Variants in RNASEH2B observed in about 807,000 individuals in gnomAD.
RNASEH2B encodes the protein ribonuclease H2 subunit B.
A neutral mutation model predicts 45.0 loss-of-function variants in RNASEH2B; 36 were observed. The observed-to-expected ratio is 0.80, with a 90% CI of 0.61 to 1.06. RNASEH2B has a LOEUF of 1.06. RNASEH2B is among the 50% of genes least tolerant of loss of function. The pLI is 0.00. For missense variants in RNASEH2B, 361 were observed against 360.3 expected, an observed-to-expected ratio of 1.00 and a Z score of -0.02; for synonymous variants, 119 against 125.7, an observed-to-expected ratio of 0.95 and a Z score of 0.35.
chr13:50,951,759 T>G (rs1951978083), intron 9 of RNASEH2B: 1 of 152,168 alleles, frequency 6.6e-6, no homozygotes, highest in Non-Finnish European at 1.5e-5. Context: ...TAGTAAATGC[T>G]TCAATCATCT....
intron 9 of RNASEH2B, among the ~76,000 whole-genome samples, chr13:50,964,260 A>G (rs1952142711): frequency 6.6e-6 from 1 of 152,188 alleles, no homozygotes; most frequent in Admixed American, 6.5e-5. Context: ...CACTTTTGAG[A>G]GTAGTAGCCA....
At chr13:50,967,129 G>A (rs1952172947) in intron 9 of RNASEH2B, among the ~76,000 whole-genome samples, 1 of 152,064 alleles carries the variant, frequency 6.6e-6, no homozygotes, top group East Asian at 1.9e-4. Context: ...CTGGTGCTTG[G>A]GGAGCCATGT....
Position 50,909,904 on chromosome 13 carries a change from G to C in RNASEH2B, c.-173G>C, listed in dbSNP as rs1452188029. On this transcript the variant is annotated 5_prime_UTR_variant, in exon 1 of 11. Transcript: ENST00000336617. ...ATTTAAAAACGTAACACGAGCAGCA[G>C]GCTGGTCTCGGAAACGAAACGAAAT... is the stretch of plus-strand genomic sequence containing the variant. 4.0e-6 allele frequency: 2 copies of C among 500,414 alleles called. No homozygotes were observed. Among genetic ancestry groups the C allele is most frequent in the Non-Finnish European group, 7.0e-6 (2 of 287,090 alleles). 31.0% of individuals were successfully genotyped at this position (500,414 alleles called of 1,614,324 possible).
chr13:50,967,415 C>G (rs1566095025), intron 9 of RNASEH2B, among the ~76,000 whole-genome samples: 1 of 152,186 alleles, frequency 6.6e-6, no homozygotes, highest in Non-Finnish European at 1.5e-5. Flanking sequence ...ATAACAAAGA[C>G]TGGCAAAGCG....
At chr13:50,925,249 C>T (rs1043470567) in intron 1 of RNASEH2B, among the ~76,000 whole-genome samples, 15 of 151,878 alleles carry the variant, frequency 9.9e-5, no homozygotes, top group African/African-American at 2.4e-4. Flanking sequence ...CTAATTAACT[C>T]GTCTATGAGG....
rs75325951 is a variant in RNASEH2B, at chr13:50,929,517, T to G, written c.179T>G (p.Leu60Arg). The change falls in exon 3 of 11, where the codon CTG becomes CGG. Residue 60 changes from leucine to arginine, a missense_variant. Physicochemically the swap from Leu to Arg is moderately radical, Grantham distance 102. Transcript: ENST00000336617. ...IYLFNMCLQQ[L>R]FEVKVFKEKH... ...TTGTTCAATATGTGTCTACAGCAGCTGTTTGAAGTAAAAGTTTTCAAGGAA... is the reference window on the plus strand; with the variant it reads ...TTGTTCAATATGTGTCTACAGCAGCGGTTTGAAGTAAAAGTTTTCAAGGAA... The G allele has an allele frequency of 1.2e-6, 2 of 1,613,948 alleles. No homozygotes were observed. The highest frequency in any genetic ancestry group is 1.7e-6 in the Non-Finnish European group (2 of 1,179,872).
chr13:50,935,292 C>T (rs923839149), intron 5 of RNASEH2B: 1 of 413,960 alleles, frequency 2.4e-6, no homozygotes, highest in African/African-American at 2.0e-5. Context: ...GCAAGTCACT[C>T]AGCTGCCTTC....
At chr13:50,931,418 T>C (rs1489010437) in intron 4 of RNASEH2B, among the ~76,000 whole-genome samples, 1 of 152,042 alleles carries the variant, frequency 6.6e-6, no homozygotes, top group Non-Finnish European at 1.5e-5. Flanking sequence ...ATTTAAAAAT[T>C]ATTTATTTAA....
chr13:50,930,107 G>A (rs962600930), intron 3 of RNASEH2B: 17 of 218,452 alleles, frequency 7.8e-5, no homozygotes, highest in Admixed American at 6.8e-4. Flanking sequence ...GGGCAGTGCT[G>A]ACTAAAGGAA....
At chr13:50,957,466 G>A (rs1952066967), downstream of RNASEH2B, among the ~76,000 whole-genome samples, 1 of 152,120 alleles carries the variant, frequency 6.6e-6, no homozygotes, top group Non-Finnish European at 1.5e-5. Context: ...ATTCCATGGT[G>A]TATATATGCC....
At chr13:50,961,896 T>C (rs1169709341) in intron 9 of RNASEH2B, among the ~76,000 whole-genome samples, 1 of 152,176 alleles carries the variant, frequency 6.6e-6, no homozygotes, top group East Asian at 1.9e-4. Context: ...TTTTATCATA[T>C]ATAGGTATTT....
chr13:50,967,614 C>G (rs570006524), intron 9 of RNASEH2B, among the ~76,000 whole-genome samples: 1 of 152,216 alleles, frequency 6.6e-6, no homozygotes, highest in Non-Finnish European at 1.5e-5. Context: ...CACATCCAGA[C>G]TCTACCACAT....
chr13:50,963,133 A>G (rs1952127885), intron 9 of RNASEH2B, among the ~76,000 whole-genome samples: 1 of 151,706 alleles, frequency 6.6e-6, no homozygotes, highest in Non-Finnish European at 1.5e-5. Flanking sequence ...TTAGTTATTT[A>G]ATTTTTACTT....
At chr13:50,945,372 A>T in intron 6 of RNASEH2B, 55 bp from the exon 7 acceptor site, 1 of 1,250,418 alleles carries the variant, frequency 8.0e-7, no homozygotes, top group South Asian at 1.2e-5. Context: ...GAATTCATAG[A>T]TTTCTAAAGT....
At chr13:50,940,564 T>C (rs993721333) in intron 5 of RNASEH2B, among the ~76,000 whole-genome samples, 3 of 152,144 alleles carry the variant, frequency 2.0e-5, no homozygotes, top group Non-Finnish European at 4.4e-5. Context: ...AGAGATGGAA[T>C]GTGGGAGGCA....
intron 2 of RNASEH2B, 37 bp downstream of exon 2, chr13:50,927,515 G>A (rs374308155): frequency 6.0e-5 from 79 of 1,318,216 alleles, no homozygotes; most frequent in Non-Finnish European, 8.1e-5. Flanking sequence ...GTTCTTAAAT[G>A]TTGTGGCTAA....
intron 5 of RNASEH2B, chr13:50,937,399 T>G (rs2137961246): frequency 6.6e-6 from 1 of 152,124 alleles, no homozygotes; most frequent in Non-Finnish European, 1.5e-5. Flanking sequence ...TTTTTTCATT[T>G]TTTTTGGAGA....
At chr13:50,944,790 G>C (rs1170603609) in intron 6 of RNASEH2B, among the ~76,000 whole-genome samples, 3 of 152,082 alleles carry the variant, frequency 2.0e-5, no homozygotes, top group Non-Finnish European at 4.4e-5. Flanking sequence ...TTTTTTATTT[G>C]TGATATAGTA....
intron 3 of RNASEH2B, 73 bp from the exon 4 acceptor site, chr13:50,930,610 T>G: frequency 1.8e-6 from 2 of 1,090,360 alleles, no homozygotes; most frequent in Non-Finnish European, 2.8e-6. Flanking sequence ...TTTTTCACTT[T>G]GAGATTAAGG....
Sources: gnomAD v4.1 joint callset for allele counts (sites outside exome capture counted in the v4.1 genomes callset) on GRCh38, gnomAD v4.1.1 for gene constraint, MANE v1.5 for transcripts, NCBI Gene and HGNC (gene_info 2026-07-23, HGNC 2026-07-21) for gene names.